NKAIN2: variants seen among roughly 807,000 people sequenced by gnomAD.
NKAIN2 encodes sodium/potassium-transporting ATPase subunit beta-1-interacting protein 2.
Under a neutral mutation model 32.6 loss-of-function variants are expected in NKAIN2, and 14 were observed. The observed-to-expected ratio is 0.43, with a 90% CI of 0.28 to 0.67. The LOEUF is 0.67. NKAIN2 is among the 30% of genes least tolerant of loss of function. The pLI, the probability that NKAIN2 is intolerant of heterozygous loss-of-function variation, is 0.17. For synonymous variants in NKAIN2, 80 were observed against 87.2 expected (o/e 0.92, Z 0.46); for missense variants, 198 against 258.3 (o/e 0.77, Z 1.60).
intron 4 of NKAIN2, among the ~76,000 whole-genome samples, chr6:124,737,188 T>C (rs1776987515): frequency 6.6e-6 from 1 of 151,814 alleles, no homozygotes; most frequent in African/African-American, 2.4e-5. Flanking sequence ...TCATCTTGAA[T>C]TGTAGTTCTC....
At chr6:124,727,596 C>A (rs1366430039) in intron 4 of NKAIN2, among the ~76,000 whole-genome samples, 2 of 151,878 alleles carry the variant, frequency 1.3e-5, no homozygotes, top group African/African-American at 2.4e-5. Context: ...CCAGCCACTG[C>A]AAAATCATGC....
chr6:124,371,861 T>C (rs1799782869), intron 3 of NKAIN2, among the ~76,000 whole-genome samples: 1 of 152,116 alleles, frequency 6.6e-6, no homozygotes, highest in South Asian at 2.1e-4. Context: ...GGTTGTGTTT[T>C]ATTTTCTCAG....
chr6:124,230,782 C>G (rs1375150963), intron 1 of NKAIN2, among the ~76,000 whole-genome samples: 1 of 152,196 alleles, frequency 6.6e-6, no homozygotes, highest in Non-Finnish European at 1.5e-5. Context: ...TTGGAAATGC[C>G]TGGATGTTCA....
intron 3 of NKAIN2, among the ~76,000 whole-genome samples, chr6:124,476,490 A>G (rs933825725): frequency 6.6e-6 from 1 of 151,780 alleles, no homozygotes; most frequent in Non-Finnish European, 1.5e-5. Flanking sequence ...GGCATGTTTA[A>G]GGCATAGTCA....
chr6:124,363,009 A>G (rs1799357808), intron 3 of NKAIN2, among the ~76,000 whole-genome samples: 1 of 151,768 alleles, frequency 6.6e-6, no homozygotes, highest in Non-Finnish European at 1.5e-5. Context: ...TAATTTTTGT[A>G]TTTTTAGTAG....
intron 1 of NKAIN2, among the ~76,000 whole-genome samples, chr6:123,820,244 A>G (rs1773868185): frequency 6.6e-6 from 1 of 152,216 alleles, no homozygotes; most frequent in Non-Finnish European, 1.5e-5. Context: ...TGATTAGTGT[A>G]TATATGGCAG....
chr6:123,932,135 C>T (rs756070084), intron 1 of NKAIN2, among the ~76,000 whole-genome samples: 13 of 152,180 alleles, frequency 8.5e-5, no homozygotes, highest in Non-Finnish European at 1.5e-4. Flanking sequence ...CCATCTCCAT[C>T]ACAAGTACTG....
chr6:124,495,775 G>A (rs957806301), intron 3 of NKAIN2, among the ~76,000 whole-genome samples: 2 of 152,114 alleles, frequency 1.3e-5, no homozygotes, highest in Non-Finnish European at 2.9e-5. Context: ...GTCAGCTTCA[G>A]CATTCCAGGA....
chr6:124,736,650 A>T (rs1260107272), intron 4 of NKAIN2, among the ~76,000 whole-genome samples: 2 of 151,956 alleles, frequency 1.3e-5, no homozygotes, highest in South Asian at 2.1e-4. Flanking sequence ...CCTGTGCTCT[A>T]TAAATGCAAC....
At chr6:123,878,286 A>G (rs1162059352) in intron 1 of NKAIN2, among the ~76,000 whole-genome samples, 1 of 152,096 alleles carries the variant, frequency 6.6e-6, no homozygotes, top group Non-Finnish European at 1.5e-5. Context: ...TTTCTGAGGT[A>G]ATTTTTCCCT....
intron 1 of NKAIN2, among the ~76,000 whole-genome samples, chr6:123,843,766 G>A (rs1774977463): frequency 1.3e-5 from 2 of 152,222 alleles, no homozygotes; most frequent in Admixed American, 6.5e-5. Context: ...CTGACGGGTG[G>A]TGGCGACGCA....
At chr6:124,622,077 GGTC>G (rs1416835364) in intron 3 of NKAIN2, among the ~76,000 whole-genome samples, 8 of 152,266 alleles carry the variant, frequency 5.3e-5, no homozygotes, top group African/African-American at 1.9e-4. Flanking sequence ...CAATTCTAGA[GGTC>G]AGAAGTTCAA....
chr6:123,827,876 C>CCT (rs5879702), intron 1 of NKAIN2, among the ~76,000 whole-genome samples: 176 of 149,840 alleles, frequency 1.2e-3, no homozygotes, highest in South Asian at 3.4e-3. Flanking sequence ...GATAGCAGTT[C>CCT]CTCTCTCTCT....
intron 1 of NKAIN2, among the ~76,000 whole-genome samples, chr6:124,174,620 C>T (rs1307268870): frequency 6.6e-6 from 1 of 152,124 alleles, no homozygotes; most frequent in Admixed American, 6.5e-5. Flanking sequence ...CCTATTCATT[C>T]AACTATTCTT....
intron 1 of NKAIN2, among the ~76,000 whole-genome samples, chr6:123,970,673 G>A (rs1778296827): frequency 6.6e-6 from 1 of 152,084 alleles, no homozygotes; most frequent in South Asian, 2.1e-4. Flanking sequence ...GAGCTCAGGA[G>A]TTTGAGACCA....
chr6:124,804,711 C>A (rs1258963682), intron 5 of NKAIN2, among the ~76,000 whole-genome samples: 1 of 152,234 alleles, frequency 6.6e-6, no homozygotes, highest in African/African-American at 2.4e-5. Flanking sequence ...TCGGGAAGCG[C>A]AAGGGATCAG....
At chr6:124,382,734 G>A (rs961271189) in intron 3 of NKAIN2, among the ~76,000 whole-genome samples, 1 of 152,078 alleles carries the variant, frequency 6.6e-6, no homozygotes, top group African/African-American at 2.4e-5. Flanking sequence ...CTCAAGGTGA[G>A]GTCTAACATT....
intron 1 of NKAIN2, among the ~76,000 whole-genome samples, chr6:123,928,524 A>G (rs1464923194): frequency 6.6e-6 from 1 of 152,176 alleles, no homozygotes; most frequent in Non-Finnish European, 1.5e-5. Context: ...TCTCACCTCT[A>G]TTTGGACAAA....
chr6:124,783,111 A>G (rs1271164662), intron 4 of NKAIN2, among the ~76,000 whole-genome samples: 1 of 152,158 alleles, frequency 6.6e-6, no homozygotes, highest in East Asian at 1.9e-4. Flanking sequence ...AACGAATCTG[A>G]TATGTAAACC....
Sources: allele counts gnomAD v4.1 joint callset (sites outside exome capture counted in the v4.1 genomes callset), GRCh38; gene constraint gnomAD v4.1.1; transcripts MANE v1.5; gene names NCBI Gene and HGNC (gene_info 2026-07-23, HGNC 2026-07-21).